ILDR2: variants seen among roughly 807,000 people sequenced by gnomAD.
The protein encoded by ILDR2 is immunoglobulin-like domain-containing receptor 2.
In ILDR2, 25 loss-of-function variants were observed where a neutral mutation model predicts 66.8. The observed-to-expected ratio is 0.37, with a 90% CI of 0.27 to 0.52. The LOEUF is 0.52. Among genes scored for constraint, ILDR2 ranks in the 20% least tolerant of loss-of-function variants. The pLI, the probability that ILDR2 is intolerant of heterozygous loss-of-function variation, is 0.88. For missense variants in ILDR2, 827 were observed against 876.8 expected, an observed-to-expected ratio of 0.94 and a Z score of 0.72; for synonymous variants, 367 against 357.2, an observed-to-expected ratio of 1.03 and a Z score of -0.31.
At chr1:166,939,443 C>T (rs1251358407) in intron 4 of ILDR2, 71 bp downstream of exon 4, 5 of 1,256,270 alleles carry the variant, frequency 4.0e-6, no homozygotes, top group East Asian at 2.3e-5. Flanking sequence ...AAGCAATTAG[C>T]GACTAATGCA....
chr1:166,925,433 T>C (rs1660220026), intron 7 of ILDR2, among the ~76,000 whole-genome samples: 1 of 152,212 alleles, frequency 6.6e-6, no homozygotes, highest in African/African-American at 2.4e-5. Context: ...TGCTTGTTAC[T>C]TTCCCTTTCT....
intron 4 of ILDR2, among the ~76,000 whole-genome samples, chr1:166,937,422 C>T (rs892816787): frequency 1.3e-5 from 2 of 152,198 alleles, no homozygotes; most frequent in Admixed American, 1.3e-4. Flanking sequence ...ACACTGTCCC[C>T]GTGAACAGAG....
downstream of ILDR2, among the ~76,000 whole-genome samples, chr1:166,905,636 A>G (rs1301828069): frequency 6.6e-6 from 1 of 152,162 alleles, no homozygotes; most frequent in Non-Finnish European, 1.5e-5. Context: ...CATAGCTTAT[A>G]CTTTTTTATG....
Position 166,920,838 on chromosome 1 carries a change from C to A in ILDR2, c.1753G>T (p.Asp585Tyr). The change falls in exon 9 of 10, where the codon GAC (aspartate) becomes TAC (tyrosine). Residue 585 changes from aspartate to tyrosine, a missense_variant. This residue lies in a region of ILDR2 where 390 missense variants were observed against 353.6 expected (regional missense o/e 1.10). Coordinates refer to ENST00000271417, the MANE Select transcript of ILDR2 (RefSeq NM_199351.3). ...KAGSSQDDQEDASDDALPPYS... is the reference protein window; with the variant it reads ...KAGSSQDDQEYASDDALPPYS... ...GGCGGCAGCGCGTCGTCGGACGCGT[C>A]CTCCTGGTCGTCCTGCGACGAGCCG... The A allele has an allele frequency of 6.6e-7, 1 of 1,516,956 alleles. No homozygotes were observed. Among genetic ancestry groups the A allele is most frequent in the Non-Finnish European group, 8.8e-7 (1 of 1,136,148 alleles). 94.0% of individuals were successfully genotyped at this position (1,516,956 alleles called of 1,614,324 possible).
At chr1:166,968,319 C>A (rs1663082478) in intron 1 of ILDR2, among the ~76,000 whole-genome samples, 1 of 152,154 alleles carries the variant, frequency 6.6e-6, no homozygotes, top group Non-Finnish European at 1.5e-5. Flanking sequence ...CTTCTCTGGC[C>A]AACTCCTACT....
rs1659701128 is a variant in ILDR2 at position 166,917,795 on chromosome 1, T to A, written c.*1560A>T. 1.3e-5 allele frequency: 2 copies of A among 152,236 alleles called. No homozygotes were observed. Among genetic ancestry groups the A allele is most frequent in the African/African-American group, 4.8e-5 (2 of 41,456 alleles). 9.4% of individuals were successfully genotyped at this position (152,236 alleles called of 1,614,324 possible). A position where few individuals can be genotyped will look rare whatever the true frequency, so the allele number is the denominator to read the frequency against. ...TATTGGTATCACCTGGACTCACCCATGTCTGCATCAGCTGGAAGTTGACGG... is the reference window on the plus strand; with the variant it reads ...TATTGGTATCACCTGGACTCACCCAAGTCTGCATCAGCTGGAAGTTGACGG... On this transcript the variant is annotated 3_prime_UTR_variant, in exon 10 of 10. Transcript: ENST00000271417.
At chr1:166,945,651 G>T (rs1661573865) in intron 3 of ILDR2, among the ~76,000 whole-genome samples, 1 of 152,218 alleles carries the variant, frequency 6.6e-6, no homozygotes, top group African/African-American at 2.4e-5. Flanking sequence ...GGAAGGTAAA[G>T]AAGTTCAGGA....
intron 7 of ILDR2, among the ~76,000 whole-genome samples, chr1:166,923,391 G>A (rs1033749700): frequency 3.3e-5 from 5 of 152,156 alleles, no homozygotes; most frequent in African/African-American, 1.2e-4. Context: ...AATAGTCAAG[G>A]GGAAACCTGT....
intron 6 of ILDR2, among the ~76,000 whole-genome samples, chr1:166,934,674 A>G (rs1213526012): frequency 6.6e-6 from 1 of 152,210 alleles, no homozygotes; most frequent in Admixed American, 6.5e-5. Flanking sequence ...CAAATTGGAC[A>G]CTGTCACATA....
At chr1:166,904,703 A>G (rs1659312714), downstream of ILDR2, among the ~76,000 whole-genome samples, 1 of 152,230 alleles carries the variant, frequency 6.6e-6, no homozygotes, top group South Asian at 2.1e-4. Flanking sequence ...TCAGATAACA[A>G]TGTACATAAA....
chr1:166,920,728 T>G lies in ILDR2; in HGVS notation c.1863A>C (p.Lys621Asn). 1 of 1,439,334 alleles carries G rather than the reference T, an allele frequency of 6.9e-7. No individual in the cohort carries two copies. The highest frequency in any genetic ancestry group is 9.1e-7 in the Non-Finnish European group (1 of 1,093,200). 89.2% of individuals were successfully genotyped at this position (1,439,334 alleles called of 1,614,324 possible). A position where few individuals can be genotyped will look rare whatever the true frequency, so the allele number is the denominator to read the frequency against. The change falls in exon 9 of 10, where the codon AAA (lysine) becomes AAC (asparagine). Residue 621 changes from lysine to asparagine, a missense_variant. This residue lies in a region of ILDR2 where 390 missense variants were observed against 353.6 expected (regional missense o/e 1.10). Transcript: ENST00000271417. ...TCACGGTTTTCTTGGCGGGCTCCTTTTTCCTCTTCTTCTCCGAGTTGCTGT... is the reference window on the plus strand; with the variant it reads ...TCACGGTTTTCTTGGCGGGCTCCTTGTTCCTCTTCTTCTCCGAGTTGCTGT... ...PYHSNSEKKR[K>N]KEPAKKTNDF...
At chr1:166,971,403 G>A (rs1024747453) in intron 1 of ILDR2, among the ~76,000 whole-genome samples, 2 of 152,166 alleles carry the variant, frequency 1.3e-5, no homozygotes, top group African/African-American at 4.8e-5. Context: ...CTCACAGCAG[G>A]GGTGTGGCTC....
chr1:166,927,517 A>T (rs1660371789), intron 6 of ILDR2, among the ~76,000 whole-genome samples: 1 of 152,232 alleles, frequency 6.6e-6, no homozygotes, highest in South Asian at 2.1e-4. Context: ...TTGGAGGAGC[A>T]TATTCACACT....
Position 166,922,573 on chromosome 1 carries a change from C to T in ILDR2, c.1211+20G>A, listed in dbSNP as rs1018035692. On this transcript the variant is annotated intron_variant, in intron 8 of 9. Transcript: ENST00000271417. ...TCCTGCCCCCTCACACCGACCAGAC[C>T]TGCCCCTCACAGCCATCACCTGTGC... The T allele has an allele frequency of 1.2e-6, 2 of 1,607,842 alleles. No individual in the cohort carries two copies. The highest frequency in any genetic ancestry group is 1.7e-6 in the Non-Finnish European group (2 of 1,175,540).
At chr1:166,952,902 A>G (rs1662067029) in intron 3 of ILDR2, among the ~76,000 whole-genome samples, 1 of 152,224 alleles carries the variant, frequency 6.6e-6, no homozygotes, top group Non-Finnish European at 1.5e-5. Context: ...GATATTAGGC[A>G]TAAAACACAG....
At chr1:166,963,895 G>T (rs920126782) in intron 1 of ILDR2, among the ~76,000 whole-genome samples, 1 of 152,146 alleles carries the variant, frequency 6.6e-6, no homozygotes. Flanking sequence ...CAACAGGAAG[G>T]CTGGGCCTCC....
chr1:166,967,454 T>A (rs1663030027), intron 1 of ILDR2, among the ~76,000 whole-genome samples: 1 of 152,202 alleles, frequency 6.6e-6, no homozygotes, highest in Admixed American at 6.5e-5. Flanking sequence ...CTTCATCTTC[T>A]TTCCTTAACA....
chr1:166,958,252 G>T, intron 1 of ILDR2, 151 bp from the exon 2 acceptor site: 3 of 671,550 alleles, frequency 4.5e-6, no homozygotes, highest in Non-Finnish European at 7.6e-6. Context: ...TATCCATCTG[G>T]TTGCTTTGTG....
intron 1 of ILDR2, among the ~76,000 whole-genome samples, chr1:166,974,418 T>C (rs1244348499): frequency 3.3e-5 from 5 of 152,162 alleles, no homozygotes; most frequent in Non-Finnish European, 7.3e-5. Context: ...GAGCATCTAC[T>C]GACCCCAGCA....
Sources: gnomAD v4.1 joint callset for allele counts (sites outside exome capture counted in the v4.1 genomes callset) on GRCh38, gnomAD v4.1.1 for gene constraint, gnomAD v4.1.1 regional missense constraint, MANE v1.5 for transcripts, NCBI Gene and HGNC (gene_info 2026-07-23, HGNC 2026-07-21) for gene names.